The following PCDHGB1 variants were observed in gnomAD, a reference collection of about 807,000 sequenced individuals.
The protein encoded by PCDHGB1 is protocadherin gamma-B1.
Under a neutral mutation model 56.6 loss-of-function variants are expected in PCDHGB1, and 34 were observed. The ratio of observed to expected loss-of-function variants is 0.60; its 90% CI spans 0.46 to 0.80. PCDHGB1 has a LOEUF of 0.80. Among genes scored for constraint, PCDHGB1 ranks in the 30% least tolerant of loss-of-function variants. The pLI is 0.00. For missense variants in PCDHGB1, 1,278 were observed against 1,204.6 expected (o/e 1.06, Z -0.90); for synonymous variants, 561 against 505.9 (o/e 1.11, Z -1.46).
chr5:141,482,102 A>T (rs1016315214), intron 1 of PCDHGB1, among the ~76,000 whole-genome samples: 13 of 151,860 alleles, frequency 8.6e-5, no homozygotes, highest in African/African-American at 2.7e-4. Context: ...AAAAAAAAAA[A>T]AAATATCTAG....
At chr5:141,446,942 G>C (rs1252429052) in intron 1 of PCDHGB1, among the ~76,000 whole-genome samples, 1 of 152,058 alleles carries the variant, frequency 6.6e-6, no homozygotes, top group Non-Finnish European at 1.5e-5. Flanking sequence ...TTCACTGTAA[G>C]AAACATCCAG....
chr5:141,384,158 T>A (rs1449699621), intron 1 of PCDHGB1: 1 of 1,613,550 alleles, frequency 6.2e-7, no homozygotes, highest in Non-Finnish European at 8.5e-7. Flanking sequence ...TTGTATAACA[T>A]CACACTGAAA....
chr5:141,465,627 A>C lies in PCDHGB1; in HGVS notation c.2410-29180A>C, dbSNP rs370355596. 1.1e-4 allele frequency among the ~76,000 whole-genome samples: 17 copies of C among 152,326 alleles called. 1 individual carries two copies. The South Asian group carries it at 3.3e-3, about 30-fold the overall frequency. On this transcript the variant is annotated intron_variant, in intron 1 of 3. Coordinates refer to ENST00000523390, the MANE Select transcript of PCDHGB1 (RefSeq NM_018922.3). ...TCTTTGGCCCTCCAGGAAGTCAACCAGCAAAATGCTTTGAACATCCCAAAA... is the reference window on the plus strand; with the variant it reads ...TCTTTGGCCCTCCAGGAAGTCAACCCGCAAAATGCTTTGAACATCCCAAAA...
intron 1 of PCDHGB1, among the ~76,000 whole-genome samples, chr5:141,470,572 A>G (rs1349952470): frequency 6.6e-6 from 1 of 152,208 alleles, no homozygotes; most frequent in Non-Finnish European, 1.5e-5. Flanking sequence ...GCCAAGCAGG[A>G]TCAACTTCAT....
chr5:141,381,143 G>A (rs1277267624), intron 1 of PCDHGB1, among the ~76,000 whole-genome samples: 1 of 152,184 alleles, frequency 6.6e-6, no homozygotes, highest in Non-Finnish European at 1.5e-5. Flanking sequence ...CCACCAGAAA[G>A]CAGAAATAGG....
chr5:141,352,831 T>C (rs1759121682), intron 1 of PCDHGB1, 162 bp downstream of exon 1: 1 of 744,462 alleles, frequency 1.3e-6, no homozygotes, highest in Non-Finnish European at 2.1e-6. Context: ...CTACTAAAAT[T>C]ACAAAAATTA....
At position 141,490,357 on chromosome 5, in the gene PCDHGB1, A is replaced by G; in HGVS notation, c.2410-4450A>G. ...AGTGGGCACAGTAGTGGGGTTGTTT[A>G]ATGTGCGAGACCGGGACTCAGGTAG... On this transcript the variant is annotated intron_variant, in intron 1 of 3. Transcript: ENST00000523390. This position sits in a 1 kb window ranked among gnomAD's most constrained non-coding sequence, Gnocchi z 5.4. The G allele has an allele frequency of 6.2e-7, 1 of 1,614,178 alleles. No individual in the cohort carries two copies. The highest frequency in any genetic ancestry group is 8.5e-7 in the Non-Finnish European group (1 of 1,180,030).
At position 141,431,119 on chromosome 5, in the gene PCDHGB1, A is replaced by C. The variant is rs147514897; in HGVS notation, c.2410-63688A>C. 1.2e-6 allele frequency: 2 copies of C among 1,614,134 alleles called. No individual in the cohort carries two copies. The highest frequency in any genetic ancestry group is 2.7e-5 in the African/African-American group (2 of 74,956). ...ATAAAGTGAAAATATATGGAGTAGA[A>C]GTAGAAGTAAGGGACATTAACGACA... On this transcript the variant is annotated intron_variant, in intron 1 of 3. Coordinates refer to ENST00000523390, the MANE Select transcript of PCDHGB1 (RefSeq NM_018922.3). The surrounding 1 kb of genome is among the most constrained non-coding windows in gnomAD (Gnocchi z 4.8).
chr5:141,388,430 TAAAG>T (rs2091357990), intron 1 of PCDHGB1: 1 of 1,613,634 alleles, frequency 6.2e-7, no homozygotes, highest in South Asian at 1.1e-5. Context: ...CACTGATAAA[TAAAG>T]AGAAATCAGA....
At chr5:141,401,214 C>T (rs894124786) in intron 1 of PCDHGB1, among the ~76,000 whole-genome samples, 4 of 151,920 alleles carry the variant, frequency 2.6e-5, no homozygotes, top group Non-Finnish European at 4.4e-5. Context: ...TGGTGGCGGG[C>T]GCCTGTAATC....
At chr5:141,422,850 G>T (rs184432819) in intron 1 of PCDHGB1, 7 of 1,614,086 alleles carry the variant, frequency 4.3e-6, no homozygotes, top group Non-Finnish European at 5.9e-6. Context: ...GCGGGGACCC[G>T]CCCCTCAGCA....
At chr5:141,421,218 A>G (rs969154252) in intron 1 of PCDHGB1, 1 of 1,570,664 alleles carries the variant, frequency 6.4e-7, no homozygotes, top group Admixed American at 1.9e-5. Flanking sequence ...ATATCGGCTT[A>G]GAGCCTGCCA....
At chr5:141,383,007 G>T (rs1047921009) in intron 1 of PCDHGB1, 1 of 1,613,748 alleles carries the variant, frequency 6.2e-7, no homozygotes, top group Admixed American at 1.7e-5. Context: ...ACTCCGTGTC[G>T]GAGGAGACGG....
At chr5:141,393,710 G>A (rs143738602) in intron 1 of PCDHGB1, 4 of 1,613,794 alleles carry the variant, frequency 2.5e-6, no homozygotes, top group Non-Finnish European at 3.4e-6. Flanking sequence ...AAAATACTGG[G>A]GAAATATCAA....
At chr5:141,371,614 A>T in intron 1 of PCDHGB1, 2 of 1,614,024 alleles carry the variant, frequency 1.2e-6, no homozygotes, top group Non-Finnish European at 1.7e-6. Context: ...TTGGTGACAG[A>T]TGGAGCCCTG....
At chr5:141,408,401 C>T in intron 1 of PCDHGB1, 2 of 1,614,010 alleles carry the variant, frequency 1.2e-6, no homozygotes, top group Non-Finnish European at 8.5e-7. Context: ...TCGCAAGCTG[C>T]GAGTGAGCGC....
rs1327610213 is a variant in PCDHGB1 at position 141,423,493 on chromosome 5, C to T, written c.2409+70824C>T. 5 of 1,613,984 alleles carry T rather than the reference C, an allele frequency of 3.1e-6. No homozygotes were observed. In the South Asian group the frequency reaches 5.5e-5, roughly 18 times the overall value. On this transcript the variant is annotated intron_variant, in intron 1 of 3. Coordinates refer to ENST00000523390, the MANE Select transcript of PCDHGB1 (RefSeq NM_018922.3). The stretch of plus-strand genomic sequence containing the variant: ...ACAGGCTTTCCTGCAAACCTATTCC[C>T]ACGAGGTCTCTCTCATTGCGGACTC...
At chr5:141,480,873 C>T (rs1026513782) in intron 1 of PCDHGB1, among the ~76,000 whole-genome samples, 5 of 152,050 alleles carry the variant, frequency 3.3e-5, no homozygotes, top group Non-Finnish European at 7.4e-5. Context: ...GGTGAAACCC[C>T]GTCTCTACTA....
At chr5:141,506,993 C>T (rs781663602) in intron 3 of PCDHGB1, 18 of 152,184 alleles carry the variant, frequency 1.2e-4, no homozygotes, top group Non-Finnish European at 1.8e-4. Context: ...TTCTCACACT[C>T]GACAGATGAG....
Sources: gnomAD v4.1 joint callset for allele counts (sites outside exome capture counted in the v4.1 genomes callset) on GRCh38, gnomAD v4.1.1 for gene constraint, Gnocchi (gnomAD v3.1) non-coding constraint, MANE v1.5 for transcripts, NCBI Gene and HGNC (gene_info 2026-07-23, HGNC 2026-07-21) for gene names.